The following ZBTB20 variants were observed in gnomAD, a reference collection of about 807,000 sequenced individuals.
ZBTB20 encodes the protein zinc finger and BTB domain-containing protein 20.
A neutral mutation model predicts 56.9 loss-of-function variants in ZBTB20; 9 were observed. That is an observed-to-expected ratio of 0.16 (90% CI 0.10 to 0.28). ZBTB20 has a LOEUF of 0.28. ZBTB20 is among the 10% of genes least tolerant of loss of function. ZBTB20 has a pLI of 1.00. For missense variants in ZBTB20, 655 were observed against 1,003.0 expected (o/e 0.65, Z 4.69); for synonymous variants, 417 against 420.7 (o/e 0.99, Z 0.11).
intron 6 of ZBTB20, among the ~76,000 whole-genome samples, chr3:114,530,099 A>G (rs1426383296): frequency 6.6e-6 from 1 of 152,236 alleles, no homozygotes. Flanking sequence ...TTTTTAAAAC[A>G]TAAATTTAGT....
At position 114,339,261 on chromosome 3, in the gene ZBTB20, C is replaced by T; in HGVS notation, c.1970G>A (p.Arg657Gln). 6.2e-7 allele frequency: 1 copy of T among 1,614,212 alleles called. No homozygotes were observed. Among genetic ancestry groups the T allele is most frequent in the South Asian group, 1.1e-5 (1 of 91,086 alleles). ...SSLNVHMRLH[R>Q]GEKSYECYIC... ...GTAGCACTCGTAGGACTTCTCTCCCCGGTGGAGGCGCATGTGCACGTTGAG... is the reference window on the plus strand; with the variant it reads ...GTAGCACTCGTAGGACTTCTCTCCCTGGTGGAGGCGCATGTGCACGTTGAG... Residue 657 changes from arginine to glutamine, a missense_variant, in exon 12 of 12, where the codon CGG becomes CAG. This residue lies in a region of ZBTB20 where 15 missense variants were observed against 35.8 expected (regional missense o/e 0.42). Coordinates refer to ENST00000675478, the MANE Select transcript of ZBTB20 (RefSeq NM_001348800.3). This position sits in a 1 kb window ranked among gnomAD's most constrained non-coding sequence, Gnocchi z 4.2.
intron 2 of ZBTB20, among the ~76,000 whole-genome samples, chr3:115,054,181 T>C (rs1454078984): frequency 2.0e-5 from 3 of 148,950 alleles, no homozygotes. Flanking sequence ...GAGAAATAGC[T>C]GTGAAAAAAT....
At chr3:114,607,139 C>T (rs1292992222) in intron 6 of ZBTB20, among the ~76,000 whole-genome samples, 1 of 151,832 alleles carries the variant, frequency 6.6e-6, no homozygotes, top group African/African-American at 2.4e-5. Context: ...TTCTTTTGCC[C>T]CAACATTTAG....
At chr3:115,106,795 C>T (rs1422082952) in intron 1 of ZBTB20, among the ~76,000 whole-genome samples, 1 of 152,090 alleles carries the variant, frequency 6.6e-6, no homozygotes, top group Non-Finnish European at 1.5e-5. Context: ...CCCACCATCG[C>T]CACCTTCTTC....
intron 2 of ZBTB20, among the ~76,000 whole-genome samples, chr3:115,003,649 G>A (rs1412855705): frequency 4.0e-5 from 6 of 151,656 alleles, no homozygotes; most frequent in African/African-American, 1.2e-4. Context: ...GGGAAACATA[G>A]TGAGCACGCC....
chr3:114,559,163 C>T lies in ZBTB20; in HGVS notation c.-294-58772G>A, dbSNP rs186727475. ...AGTGTCTGGAATAGTAGGTGCTCAA[C>T]AAATACTTGCTGAGTGAATGAATAA... On this transcript the variant is annotated intron_variant, in intron 6 of 11. Coordinates refer to ENST00000675478, the MANE Select transcript of ZBTB20 (RefSeq NM_001348800.3). Among the ~76,000 whole-genome samples the T allele has an allele frequency of 5.0e-4, 76 of 152,254 alleles. 1 individual carries two copies. The South Asian group carries it at 0.015, about 30-fold the overall frequency.
chr3:114,562,717 C>T (rs897426662), intron 6 of ZBTB20, among the ~76,000 whole-genome samples: 1 of 152,124 alleles, frequency 6.6e-6, no homozygotes, highest in African/African-American at 2.4e-5. Flanking sequence ...CACTTGAACA[C>T]TTAGAGGTCA....
intron 6 of ZBTB20, chr3:114,684,764 T>G (rs185993323): frequency 2.0e-5 from 3 of 152,222 alleles, no homozygotes. Flanking sequence ...TCTAATGTAA[T>G]GTATAAAAGA....
intron 5 of ZBTB20, among the ~76,000 whole-genome samples, chr3:114,782,477 C>T (rs1279857474): frequency 6.6e-6 from 1 of 152,120 alleles, no homozygotes; most frequent in African/African-American, 2.4e-5. Context: ...GATAAATGCT[C>T]TAAGTGAGCA....
chr3:114,740,209 T>C (rs192038555), intron 5 of ZBTB20, among the ~76,000 whole-genome samples: 3 of 152,334 alleles, frequency 2.0e-5, no homozygotes, highest in African/African-American at 7.2e-5. Context: ...AAGTTGCTAA[T>C]AGCCATGACT....
At chr3:114,822,547 G>A (rs2073313205) in intron 4 of ZBTB20, among the ~76,000 whole-genome samples, 1 of 151,872 alleles carries the variant, frequency 6.6e-6, no homozygotes, top group African/African-American at 2.4e-5. Context: ...TTTCTAGAAT[G>A]GTCTCTGGAC....
rs1433362137 is a variant in ZBTB20 at position 114,328,045 on chromosome 3, G to A, written c.*10960C>T. On this transcript the variant is annotated 3_prime_UTR_variant, in exon 12 of 12. Coordinates refer to ENST00000675478, the MANE Select transcript of ZBTB20 (RefSeq NM_001348800.3). ...AACCAAATTATATGGGGCGTATTTAGGTGCTGGGGAGTGCACTGCATGGCT... is the reference window on the plus strand; with the variant it reads ...AACCAAATTATATGGGGCGTATTTAAGTGCTGGGGAGTGCACTGCATGGCT... 1.3e-5 allele frequency: 2 copies of A among 152,150 alleles called. No homozygotes were observed. Among genetic ancestry groups the A allele is most frequent in the African/African-American group, 4.8e-5 (2 of 41,418 alleles). The allele number at this position is 152,150 out of a possible 1,614,324, so 9.4% of individuals were successfully genotyped here. A position where few individuals can be genotyped will look rare whatever the true frequency, so the allele number is the denominator to read the frequency against.
intron 4 of ZBTB20, among the ~76,000 whole-genome samples, chr3:114,856,111 C>T (rs940699626): frequency 6.6e-6 from 1 of 152,084 alleles, no homozygotes; most frequent in Non-Finnish European, 1.5e-5. Flanking sequence ...CTCTCTGATC[C>T]TTCAGATTTA....
intron 4 of ZBTB20, among the ~76,000 whole-genome samples, chr3:114,873,441 T>C (rs186467650): frequency 2.6e-4 from 39 of 152,292 alleles, no homozygotes; most frequent in African/African-American, 8.7e-4. Flanking sequence ...TTGGATCACA[T>C]GATTTTCTCC....
intron 1 of ZBTB20, among the ~76,000 whole-genome samples, chr3:115,108,974 T>C (rs1033144141): frequency 2.0e-5 from 3 of 152,194 alleles, no homozygotes; most frequent in African/African-American, 4.8e-5. Context: ...TCTTAAATGA[T>C]ATGATTATCT....
chr3:114,377,133 T>G (rs1467724051), intron 10 of ZBTB20, among the ~76,000 whole-genome samples: 1 of 152,202 alleles, frequency 6.6e-6, no homozygotes, highest in East Asian at 1.9e-4. Context: ...GAGTAACTGC[T>G]CTATCAAACA....
chr3:114,809,035 T>A (rs1306361618), intron 4 of ZBTB20, among the ~76,000 whole-genome samples: 1 of 152,088 alleles, frequency 6.6e-6, no homozygotes. Flanking sequence ...TTGTTTCTAA[T>A]GAGAAGTAAG....
chr3:114,789,973 C>T (rs984368498), intron 5 of ZBTB20, among the ~76,000 whole-genome samples: 8 of 151,994 alleles, frequency 5.3e-5, no homozygotes, highest in African/African-American at 1.9e-4. Flanking sequence ...TTATCTTATA[C>T]ACCAAAGCAC....
chr3:114,438,416 C>CAAAAAAAAAACA (rs11405102), intron 7 of ZBTB20, among the ~76,000 whole-genome samples: 1 of 120,422 alleles, frequency 8.3e-6, no homozygotes, highest in Non-Finnish European at 1.6e-5. Context: ...CACTCCTTGC[C>CAAAAAAAAAACA]AAAAAAAAAC....
Sources: gnomAD v4.1 joint callset for allele counts (sites outside exome capture counted in the v4.1 genomes callset) on GRCh38, gnomAD v4.1.1 for gene constraint, gnomAD v4.1.1 regional missense constraint, Gnocchi (gnomAD v3.1) non-coding constraint, MANE v1.5 for transcripts, NCBI Gene and HGNC (gene_info 2026-07-23, HGNC 2026-07-21) for gene names.